MAMLD1: variants seen among roughly 807,000 people sequenced by gnomAD.
MAMLD1 encodes mastermind like domain containing 1.
MAMLD1 carries 14 observed loss-of-function variants against 45.0 expected under a neutral mutation model. The ratio of observed to expected loss-of-function variants is 0.31; its 90% CI spans 0.21 to 0.49. MAMLD1 has a LOEUF of 0.49. Ranked by LOEUF, MAMLD1 falls within the 20% of genes least tolerant of loss-of-function variation. The pLI, the probability that MAMLD1 is intolerant of heterozygous loss-of-function variation, is 0.99. For synonymous variants in MAMLD1, 254 were observed against 247.8 expected (o/e 1.02, Z -0.24); for missense variants, 543 against 603.6 (o/e 0.90, Z 1.05).
At chrX:150,472,492 C>T (rs1557406615) in intron 4 of MAMLD1, among the ~76,000 whole-genome samples, 1 of 112,292 alleles carries the variant, frequency 8.9e-6, no homozygotes, top group Non-Finnish European at 1.9e-5. Flanking sequence ...TGGTTGCTGG[C>T]AGGAAGCAGT....
intron 5 of MAMLD1, among the ~76,000 whole-genome samples, chrX:150,501,345 A>G (rs782308033): frequency 1.8e-5 from 2 of 112,344 alleles, no homozygotes; most frequent in Non-Finnish European, 3.8e-5. Flanking sequence ...TAAAGTTATC[A>G]AGGAGCTAGG....
chrX:150,393,688 G>T (rs1182469612), intron 1 of MAMLD1, among the ~76,000 whole-genome samples: 1 of 112,202 alleles, frequency 8.9e-6, no homozygotes, highest in Non-Finnish European at 1.9e-5. Flanking sequence ...AAAGAAATAA[G>T]ATGTGGAGCA....
chrX:150,491,665 A>T (rs1300139855), intron 5 of MAMLD1, among the ~76,000 whole-genome samples: 1 of 111,832 alleles, frequency 8.9e-6, no homozygotes, highest in Non-Finnish European at 1.9e-5. Flanking sequence ...GACAGTGGGG[A>T]TAAGATAGAA....
At chrX:150,508,616 G>A (rs930603444) in intron 6 of MAMLD1, among the ~76,000 whole-genome samples, 1 of 112,773 alleles carries the variant, frequency 8.9e-6, no homozygotes, top group Non-Finnish European at 1.9e-5. Flanking sequence ...ACTGCTGCCA[G>A]GCCTGAGAGC....
At chrX:150,391,410 G>A (rs1270916714) in intron 1 of MAMLD1, among the ~76,000 whole-genome samples, 2 of 109,979 alleles carry the variant, frequency 1.8e-5, no homozygotes, top group African/African-American at 3.3e-5. Flanking sequence ...CTTTCTCTTT[G>A]TTGTTCAGGT....
chrX:150,457,470 C>T (rs1338878085), intron 2 of MAMLD1, among the ~76,000 whole-genome samples: 1 of 112,192 alleles, frequency 8.9e-6, no homozygotes, highest in African/African-American at 3.2e-5. Flanking sequence ...AATTCCACTC[C>T]TTGGTATACA....
At chrX:150,487,959 G>C (rs1285916893) in intron 5 of MAMLD1, among the ~76,000 whole-genome samples, 1 of 112,875 alleles carries the variant, frequency 8.9e-6, no homozygotes, top group African/African-American at 3.2e-5. Flanking sequence ...GCAGATTCCA[G>C]TCACAGTATT....
intron 1 of MAMLD1, among the ~76,000 whole-genome samples, chrX:150,403,976 G>GAAAGAA (rs1468359581): frequency 4.3e-5 from 4 of 92,313 alleles, no homozygotes; most frequent in Non-Finnish European, 6.4e-5. Context: ...AAGAAAGAAA[G>GAAAGAA]AAAGAAAGAA....
chrX:150,513,248 A>G lies in MAMLD1; in HGVS notation c.*1289A>G, dbSNP rs782798314. On this transcript the variant is annotated 3_prime_UTR_variant, in exon 8 of 8. Coordinates refer to ENST00000370401, the MANE Select transcript of MAMLD1 (RefSeq NM_005491.5). ...TGGTGATTTTTCAAGCTACGTGTAC[A>G]TATTTGAAAATTTTGTAAATGGTTT... is the stretch of plus-strand genomic sequence containing the variant. The G allele has an allele frequency of 7.2e-5, 30 of 414,878 alleles. No individual in the cohort carries two copies. Among genetic ancestry groups the G allele is most frequent in the Non-Finnish European group, 7.3e-5 (18 of 247,619 alleles). The allele number at this position is 414,878 out of a possible 1,213,427, so 34.2% of individuals were successfully genotyped here. A position where few individuals can be genotyped will look rare whatever the true frequency, so the allele number is the denominator to read the frequency against.
intron 5 of MAMLD1, among the ~76,000 whole-genome samples, chrX:150,499,045 GATA>G (rs1463781471): frequency 4.5e-5 from 5 of 111,798 alleles, no homozygotes; most frequent in Non-Finnish European, 9.4e-5. Flanking sequence ...GGGCTATCTG[GATA>G]ATATTTAGTG....
Position 150,471,389 on chromosome X carries a change from C to G in MAMLD1, c.1816C>G (p.Gln606Glu), listed in dbSNP as rs2036423257. 8.2e-7 allele frequency: 1 copy of G among 1,212,189 alleles called. No individual in the cohort carries two copies. The highest frequency in any genetic ancestry group is 1.8e-5 in the South Asian group (1 of 57,035). The change falls in exon 4 of 8, where the codon CAG becomes GAG. Residue 606 changes from glutamine (Q) to glutamate (E), a missense_variant. By Grantham distance (29) the Gln-to-Glu change is conservative. Transcript: ENST00000370401. The part of the protein sequence containing the change: ...LQQQQQQQQQ[Q>E]PDHSSFLLQQ... Reference sequence around the variant, plus strand: ...GCAGCAGCAGCAGCAACAGCAGCAGCAGCCTGACCATTCTTCATTCCTTCT... The same window carrying G: ...GCAGCAGCAGCAGCAACAGCAGCAGGAGCCTGACCATTCTTCATTCCTTCT...
intron 1 of MAMLD1, among the ~76,000 whole-genome samples, chrX:150,416,771 A>C (rs782311628): frequency 5.4e-4 from 61 of 112,247 alleles, no homozygotes; most frequent in Non-Finnish European, 1.0e-3. Context: ...TAATATCTAA[A>C]ATATTTGCAA....
Position 150,469,653 on chromosome X carries a change from C to CTGTGTG in MAMLD1, c.172-91_172-90insGTGTGT, listed in dbSNP as rs1557406178. 323 of 482,870 alleles carry CTGTGTG rather than the reference C, an allele frequency of 6.7e-4. 1 individual carries two copies. In the African/African-American group the frequency reaches 8.0e-3, roughly 12 times the overall value. The allele number at this position is 482,870 out of a possible 1,213,427, so 39.8% of individuals were successfully genotyped here. ...TCTCTCTGTCTCTCTCTCTCTCTCTCTCTGTGTGTGTGTGTGTGTGTGTGT... is the reference window on the plus strand; with the variant it reads ...TCTCTCTGTCTCTCTCTCTCTCTCTCTGTGTGTCTGTGTGTGTGTGTGTGTGTGTGT... On this transcript the variant is annotated intron_variant, in intron 3 of 7. Transcript: ENST00000370401.
At chrX:150,430,024 T>TC (rs1306128884) in intron 1 of MAMLD1, among the ~76,000 whole-genome samples, 2 of 57,648 alleles carry the variant, frequency 3.5e-5, no homozygotes, top group African/African-American at 1.5e-4. Context: ...CTTTTCTTTT[T>TC]TTTTTTTTTT....
chrX:150,495,050 A>C (rs1557408194), intron 5 of MAMLD1, among the ~76,000 whole-genome samples: 1 of 111,946 alleles, frequency 8.9e-6, no homozygotes, highest in African/African-American at 3.3e-5. Context: ...TACTAAAAAT[A>C]CAAAAATTAG....
chrX:150,389,756 T>A (rs1033162207), intron 1 of MAMLD1, among the ~76,000 whole-genome samples: 1 of 112,157 alleles, frequency 8.9e-6, no homozygotes, highest in South Asian at 3.7e-4. Context: ...AATTGTAGAT[T>A]TGTCCATTTC....
rs1557406327 is a variant in MAMLD1, at chrX:150,470,528, A to G, written c.955A>G (p.Thr319Ala). 1 of 1,209,778 alleles carries G rather than the reference A, an allele frequency of 8.3e-7. No individual in the cohort carries two copies. Among genetic ancestry groups the G allele is most frequent in the Admixed American group, 2.2e-5 (1 of 45,840 alleles). Reference sequence around the variant, plus strand: ...GGCAGCCAGCAAGCAGGGGTCTGCTACAAAGCAGCAAGGGCCCACCCCCAG... The same window carrying G: ...GGCAGCCAGCAAGCAGGGGTCTGCTGCAAAGCAGCAAGGGCCCACCCCCAG... ...ALAASKQGSATKQQGPTPSWS... is the reference protein window; with the variant it reads ...ALAASKQGSAAKQQGPTPSWS... The change falls in exon 4 of 8, where the codon ACA becomes GCA. Residue 319 changes from threonine to alanine, a missense_variant. Transcript: ENST00000370401.
At chrX:150,458,593 GCT>G (rs1291862786) in intron 2 of MAMLD1, among the ~76,000 whole-genome samples, 1 of 111,966 alleles carries the variant, frequency 8.9e-6, no homozygotes, top group Non-Finnish European at 1.9e-5. Context: ...AGGAAAGAAG[GCT>G]CTGATTAACC....
At chrX:150,458,580 T>A (rs782057372) in intron 2 of MAMLD1, among the ~76,000 whole-genome samples, 40 of 112,201 alleles carry the variant, frequency 3.6e-4, no homozygotes, top group African/African-American at 1.2e-3. Context: ...AACACCTCAC[T>A]ATAGGAAAGA....
Sources: gnomAD v4.1 joint callset for allele counts (sites outside exome capture counted in the v4.1 genomes callset) on GRCh38, gnomAD v4.1.1 for gene constraint, MANE v1.5 for transcripts, NCBI Gene and HGNC (gene_info 2026-07-23, HGNC 2026-07-21) for gene names.